Variants in CAMK1D observed in about 807,000 individuals in gnomAD.
The protein encoded by CAMK1D is calcium/calmodulin dependent protein kinase ID, also known as calcium/calmodulin-dependent protein kinase type 1D.
A neutral mutation model predicts 47.7 loss-of-function variants in CAMK1D; 9 were observed. The observed-to-expected ratio is 0.19, with a 90% CI of 0.11 to 0.33. The LOEUF (loss-of-function observed/expected upper bound fraction) is 0.33, where lower values mean the gene tolerates loss of function less well. Among genes scored for constraint, CAMK1D ranks in the 10% least tolerant of loss-of-function variants. The probability of loss-of-function intolerance (pLI) is 1.00; values close to 1 mark genes in which losing one functional copy is unlikely to be tolerated. For missense variants in CAMK1D, 291 were observed against 488.7 expected (o/e 0.60, Z 3.81); for synonymous variants, 184 against 184.9 (o/e 0.99, Z 0.04).
chr10:12,463,595 T>C (rs1000633047), intron 1 of CAMK1D, among the ~76,000 whole-genome samples: 2 of 152,186 alleles, frequency 1.3e-5, no homozygotes, highest in Middle Eastern at 3.2e-3. Flanking sequence ...TCTGTGTCTC[T>C]ATCAGCCAGT....
chr10:12,585,903 G>A (rs139185759), intron 2 of CAMK1D, among the ~76,000 whole-genome samples: 55 of 152,294 alleles, frequency 3.6e-4, no homozygotes, highest in Non-Finnish European at 7.8e-4. Context: ...GCTCAGGGCC[G>A]TTCCTCTTCT....
chr10:12,499,192 G>C (rs1156233656), intron 1 of CAMK1D, among the ~76,000 whole-genome samples: 1 of 151,520 alleles, frequency 6.6e-6, no homozygotes, highest in East Asian at 1.9e-4. Context: ...AAGGCTTCCT[G>C]GGCAGTTCTT....
intron 1 of CAMK1D, among the ~76,000 whole-genome samples, chr10:12,453,725 A>G (rs1833158028): frequency 1.3e-5 from 2 of 152,172 alleles, no homozygotes; most frequent in Non-Finnish European, 2.9e-5. Context: ...ACTTACATGG[A>G]CTTACCTGAA....
chr10:12,543,074 G>A (rs1836248448), intron 1 of CAMK1D, among the ~76,000 whole-genome samples: 1 of 151,944 alleles, frequency 6.6e-6, no homozygotes, highest in South Asian at 2.1e-4. Context: ...TTGAGATGGA[G>A]TCTTGCTCTG....
intron 5 of CAMK1D, among the ~76,000 whole-genome samples, chr10:12,776,264 A>G (rs986960622): frequency 6.6e-6 from 1 of 152,230 alleles, no homozygotes; most frequent in African/African-American, 2.4e-5. Context: ...GGATAATTCA[A>G]AGGTTTTTGG....
At chr10:12,716,110 A>T (rs1294585012) in intron 3 of CAMK1D, among the ~76,000 whole-genome samples, 1 of 151,962 alleles carries the variant, frequency 6.6e-6, no homozygotes, top group South Asian at 2.1e-4. Context: ...AGGAAGGGGG[A>T]GAATGAGGGG....
At chr10:12,628,984 G>T (rs1839302977) in intron 2 of CAMK1D, among the ~76,000 whole-genome samples, 1 of 152,164 alleles carries the variant, frequency 6.6e-6, no homozygotes, top group Non-Finnish European at 1.5e-5. Flanking sequence ...CCATTGTCTA[G>T]ATGTACCACA....
chr10:12,567,981 G>A (rs1194025586), intron 2 of CAMK1D, among the ~76,000 whole-genome samples: 1 of 152,006 alleles, frequency 6.6e-6, no homozygotes, highest in Non-Finnish European at 1.5e-5. Flanking sequence ...GCACATTGTA[G>A]GTGGGGGCCA....
intron 3 of CAMK1D, among the ~76,000 whole-genome samples, chr10:12,697,587 C>G (rs947747821): frequency 2.0e-5 from 3 of 152,148 alleles, no homozygotes; most frequent in African/African-American, 7.2e-5. Context: ...TTAGTAGAGA[C>G]AGGGTTTCAC....
intron 1 of CAMK1D, among the ~76,000 whole-genome samples, chr10:12,465,377 T>C (rs998772025): frequency 6.6e-6 from 1 of 152,170 alleles, no homozygotes; most frequent in Non-Finnish European, 1.5e-5. Context: ...TTTGTTGAGA[T>C]GGAGTCTCAC....
intron 2 of CAMK1D, among the ~76,000 whole-genome samples, chr10:12,617,973 A>C (rs1280576023): frequency 2.0e-5 from 3 of 152,204 alleles, no homozygotes; most frequent in African/African-American, 7.2e-5. Context: ...TTTCAGAATT[A>C]TCTCTTTAAT....
intron 5 of CAMK1D, among the ~76,000 whole-genome samples, chr10:12,784,711 T>C (rs11257987): frequency 0.24 from 35,834 of 152,246 alleles, 4,397 homozygotes; most frequent in East Asian, 0.46. Flanking sequence ...TCCCTGCCTC[T>C]GCCCGTCCTG....
chr10:12,644,214 C>T (rs756607249), intron 2 of CAMK1D, among the ~76,000 whole-genome samples: 1 of 152,138 alleles, frequency 6.6e-6, no homozygotes, highest in Non-Finnish European at 1.5e-5. Context: ...ACTTCCCGCC[C>T]TATGGTCCCT....
chr10:12,574,952 G>A (rs1414789222), intron 2 of CAMK1D, among the ~76,000 whole-genome samples: 1 of 152,098 alleles, frequency 6.6e-6, no homozygotes, highest in Non-Finnish European at 1.5e-5. Flanking sequence ...GCATGGTGCA[G>A]AACCATTCAT....
chr10:12,750,975 C>T (rs1368784008), intron 3 of CAMK1D, among the ~76,000 whole-genome samples: 1 of 152,138 alleles, frequency 6.6e-6, no homozygotes, highest in Non-Finnish European at 1.5e-5. Context: ...TGCCGGAGCC[C>T]AGGAAGTGGA....
In CAMK1D at chr10:12,733,318, A is replaced by G. The variant is rs186191411; in HGVS notation, c.300-27630A>G. Reference sequence around the variant, plus strand: ...CCTTAGTAGCAGTGAAGATGGAGTTAGAAGGAGAGAATAGTAATATTTTAA... The same window carrying G: ...CCTTAGTAGCAGTGAAGATGGAGTTGGAAGGAGAGAATAGTAATATTTTAA... On this transcript the variant is annotated intron_variant, in intron 3 of 10. Transcript: ENST00000619168. Among the ~76,000 whole-genome samples, 169 of 152,344 alleles carry G rather than the reference A, an allele frequency of 1.1e-3. 1 individual carries two copies. In the Middle Eastern group the frequency reaches 0.024, roughly 21 times the overall value.
At chr10:12,358,816 C>T (rs1367477687) in intron 1 of CAMK1D, among the ~76,000 whole-genome samples, 1 of 152,124 alleles carries the variant, frequency 6.6e-6, no homozygotes, top group Non-Finnish European at 1.5e-5. Flanking sequence ...ATTGAATATA[C>T]AGTAACTGTC....
intron 1 of CAMK1D, among the ~76,000 whole-genome samples, chr10:12,408,302 C>T (rs1839522297): frequency 6.6e-6 from 1 of 152,126 alleles, no homozygotes; most frequent in African/African-American, 2.4e-5. Flanking sequence ...GTTGGGACTA[C>T]AGGCGCCCGC....
In CAMK1D at chr10:12,448,604, C is replaced by G. The variant is rs546225083; in HGVS notation, c.92+98694C>G. Among the ~76,000 whole-genome samples, 13 of 152,256 alleles carry G rather than the reference C, an allele frequency of 8.5e-5. No homozygotes were observed. The South Asian group carries it at 2.7e-3, about 32-fold the overall frequency. On this transcript the variant is annotated intron_variant, in intron 1 of 10. Transcript: ENST00000619168. ...TAGGTTTGTTTGGAGAAGAGTCAAG[C>G]AGTACTTGAGTGATTTGAATTTTTG...
Sources: allele counts gnomAD v4.1 joint callset (sites outside exome capture counted in the v4.1 genomes callset), GRCh38; gene constraint gnomAD v4.1.1; transcripts MANE v1.5; gene names NCBI Gene and HGNC (gene_info 2026-07-23, HGNC 2026-07-21).